UNC13C: variants seen among roughly 807,000 people sequenced by gnomAD.
UNC13C encodes the protein unc-13 homolog C.
UNC13C carries 174 observed loss-of-function variants against 245.4 expected under a neutral mutation model. The observed-to-expected ratio is 0.71, with a 90% confidence interval of 0.63 to 0.80. The LOEUF (loss-of-function observed/expected upper bound fraction) is 0.80, where lower values mean the gene tolerates loss of function less well. Ranked by LOEUF, UNC13C falls within the 30% of genes least tolerant of loss-of-function variation. The probability of loss-of-function intolerance (pLI) is 0.00; values close to 1 mark genes in which losing one functional copy is unlikely to be tolerated. For missense variants in UNC13C, 2,829 were observed against 2,602.9 expected (o/e 1.09, Z -1.89); for synonymous variants, 992 against 895.1 (o/e 1.11, Z -1.93).
At chr15:54,402,426 T>A (rs1005469556) in intron 18 of UNC13C, among the ~76,000 whole-genome samples, 2 of 152,124 alleles carry the variant, frequency 1.3e-5, no homozygotes, top group African/African-American at 4.8e-5. Flanking sequence ...TTTAAACACC[T>A]CTGAAGATTT....
Position 54,509,762 on chromosome 15 carries a change from A to G in UNC13C, c.5380-1991A>G, listed in dbSNP as rs146264439. On this transcript the variant is annotated intron_variant, in intron 23 of 32. Transcript: ENST00000260323. ...CGAAAGTAAAAACTGTTTCATGATT[A>G]AATTTAAGGTGAATTTGTATAATCT... Among the ~76,000 whole-genome samples the G allele has an allele frequency of 3.5e-3, 532 of 152,254 alleles. 2 individuals carry two copies. Among genetic ancestry groups the G allele is most frequent in the African/African-American group, 0.013 (520 of 41,538 alleles).
chr15:53,901,950 T>A, the UNC13C span, among the ~76,000 whole-genome samples: 1 of 152,150 alleles, frequency 6.6e-6, no homozygotes, highest in Non-Finnish European at 1.5e-5. Flanking sequence ...TCCCTCTATC[T>A]ACAAAATTAA....
intron 2 of UNC13C, among the ~76,000 whole-genome samples, chr15:54,138,281 T>C (rs1462730738): frequency 6.6e-6 from 1 of 152,122 alleles, no homozygotes; most frequent in Non-Finnish European, 1.5e-5. Context: ...GGTAGAATAT[T>C]GTGTCATTTT....
intron 22 of UNC13C, among the ~76,000 whole-genome samples, chr15:54,502,262 C>A (rs973351469): frequency 3.9e-5 from 6 of 152,062 alleles, no homozygotes; most frequent in African/African-American, 1.4e-4. Flanking sequence ...AGGGCCAAAG[C>A]TGCAAACAAC....
At chr15:54,330,849 C>T (rs142351533) in intron 14 of UNC13C, among the ~76,000 whole-genome samples, 97 of 152,084 alleles carry the variant, frequency 6.4e-4, no homozygotes, top group African/African-American at 2.2e-3. Flanking sequence ...CTTAACCTGC[C>T]TAAGAAGATT....
At chr15:54,328,082 A>G (rs772565517) in intron 14 of UNC13C, among the ~76,000 whole-genome samples, 2 of 152,132 alleles carry the variant, frequency 1.3e-5, no homozygotes, top group Non-Finnish European at 2.9e-5. Context: ...TGTCTTGATC[A>G]GTGAACAATA....
At chr15:54,161,670 G>C (rs2032980882) in intron 4 of UNC13C, among the ~76,000 whole-genome samples, 1 of 152,030 alleles carries the variant, frequency 6.6e-6, no homozygotes, top group Non-Finnish European at 1.5e-5. Context: ...GACTTTTTCA[G>C]CTGGGCATGG....
intron 10 of UNC13C, among the ~76,000 whole-genome samples, chr15:54,267,618 A>G (rs1357634927): frequency 6.6e-6 from 1 of 152,028 alleles, no homozygotes; most frequent in African/African-American, 2.4e-5. Flanking sequence ...TTTTTCAATA[A>G]CAAATCTGCA....
chr15:54,087,382 C>G (rs1899305176), intron 2 of UNC13C, among the ~76,000 whole-genome samples: 1 of 152,164 alleles, frequency 6.6e-6, no homozygotes, highest in African/African-American at 2.4e-5. Flanking sequence ...TCTGACAGGA[C>G]AGCTCTGCAT....
chr15:54,621,257 T>A (rs1368127853), intron 30 of UNC13C, among the ~76,000 whole-genome samples: 3 of 152,150 alleles, frequency 2.0e-5, no homozygotes, highest in African/African-American at 7.2e-5. Flanking sequence ...ACATTGCAAA[T>A]GAGATTGCAA....
chr15:54,460,818 C>G (rs770570314), intron 19 of UNC13C, among the ~76,000 whole-genome samples: 1 of 152,208 alleles, frequency 6.6e-6, no homozygotes, highest in Non-Finnish European at 1.5e-5. Context: ...ACTGTTCTGT[C>G]CATCCAAGTG....
chr15:54,279,489 T>G (rs1596134805), intron 10 of UNC13C, among the ~76,000 whole-genome samples: 1 of 152,214 alleles, frequency 6.6e-6, no homozygotes, highest in East Asian at 1.9e-4. Context: ...CTCTCCCGAT[T>G]CAAGTTTGGT....
At chr15:54,348,675 A>G (rs550949100) in intron 17 of UNC13C, among the ~76,000 whole-genome samples, 1 of 152,314 alleles carries the variant, frequency 6.6e-6, no homozygotes, top group East Asian at 1.9e-4. Context: ...TTGTGGATGT[A>G]TCTTTCTCAG....
intron 4 of UNC13C, among the ~76,000 whole-genome samples, chr15:54,234,547 A>G (rs901358701): frequency 2.0e-5 from 3 of 152,180 alleles, no homozygotes; most frequent in Non-Finnish European, 4.4e-5. Flanking sequence ...GTAATTACCA[A>G]TATCTTAAAT....
intron 2 of UNC13C, among the ~76,000 whole-genome samples, chr15:54,126,967 C>G: frequency 6.6e-6 from 1 of 152,182 alleles, no homozygotes; most frequent in East Asian, 1.9e-4. Flanking sequence ...CTCATAATCA[C>G]TAGTCATTAG....
chr15:54,559,537 A>G (rs544493243), intron 29 of UNC13C, among the ~76,000 whole-genome samples: 3 of 152,150 alleles, frequency 2.0e-5, no homozygotes, highest in African/African-American at 7.2e-5. Context: ...GGTAGAAAAT[A>G]TGGTGAGCAA....
chr15:54,489,275 A>T (rs1321814123), intron 19 of UNC13C, among the ~76,000 whole-genome samples: 1 of 152,210 alleles, frequency 6.6e-6, no homozygotes, highest in Non-Finnish European at 1.5e-5. Flanking sequence ...GATGACAGGA[A>T]GGTAAAATAT....
chr15:53,942,500 A>G, the UNC13C span, among the ~76,000 whole-genome samples: 1 of 152,000 alleles, frequency 6.6e-6, no homozygotes, highest in South Asian at 2.1e-4. Flanking sequence ...CCACCATGGC[A>G]CTTGTTTACC....
intron 29 of UNC13C, among the ~76,000 whole-genome samples, chr15:54,566,349 T>G (rs2141214175): frequency 1.3e-5 from 2 of 152,268 alleles, no homozygotes; most frequent in South Asian, 4.1e-4. Flanking sequence ...CTAATAGTCC[T>G]CTAAATACTT....
Sources: allele counts gnomAD v4.1 joint callset (sites outside exome capture counted in the v4.1 genomes callset), GRCh38; gene constraint gnomAD v4.1.1; transcripts MANE v1.5; gene names NCBI Gene and HGNC (gene_info 2026-07-23, HGNC 2026-07-21).